The following MAP4 variants were observed in gnomAD, a reference collection of about 807,000 sequenced individuals.
MAP4 encodes the protein microtubule associated protein 4.
A neutral mutation model predicts 170.2 loss-of-function variants in MAP4; 76 were observed. The observed-to-expected ratio is 0.45, with a 90% CI of 0.37 to 0.54. The LOEUF is 0.54. MAP4 is among the 20% of genes least tolerant of loss of function. MAP4 has a pLI of 0.00. For missense variants in MAP4, 2,506 were observed against 2,748.0 expected, an observed-to-expected ratio of 0.91 and a Z score of 1.97; for synonymous variants, 909 against 994.5, an observed-to-expected ratio of 0.91 and a Z score of 1.62.
intron 3 of MAP4, among the ~76,000 whole-genome samples, chr3:47,947,813 A>AG (rs1052885930): frequency 1.4e-4 from 21 of 151,662 alleles, no homozygotes; most frequent in Non-Finnish European, 3.1e-4. Context: ...TCAAAAAAAA[A>AG]AAAAAAGAAA....
At chr3:47,926,687 G>C (rs2100046204) in intron 4 of MAP4, among the ~76,000 whole-genome samples, 1 of 152,066 alleles carries the variant, frequency 6.6e-6, no homozygotes, top group Non-Finnish European at 1.5e-5. Context: ...GGCATGTGCT[G>C]CCACAACCAG....
intron 3 of MAP4, among the ~76,000 whole-genome samples, chr3:47,931,380 A>C (rs1482134085): frequency 2.0e-5 from 3 of 152,218 alleles, no homozygotes; most frequent in African/African-American, 7.2e-5. Flanking sequence ...TTTTTAAAAA[A>C]GGCTGTACAA....
At chr3:47,929,493 T>C (rs1271060010) in intron 3 of MAP4, among the ~76,000 whole-genome samples, 1 of 151,660 alleles carries the variant, frequency 6.6e-6, no homozygotes, top group Admixed American at 6.6e-5. Flanking sequence ...TCAACATAAT[T>C]ATATTCAACC....
At chr3:48,040,952 G>T (rs1010352599) in intron 1 of MAP4, among the ~76,000 whole-genome samples, 1 of 151,986 alleles carries the variant, frequency 6.6e-6, no homozygotes. Context: ...TGCAAGCCTT[G>T]GCCTCCCAAA....
At chr3:47,856,923 G>A (rs1315229655) in intron 18 of MAP4, among the ~76,000 whole-genome samples, 1 of 152,238 alleles carries the variant, frequency 6.6e-6, no homozygotes, top group Non-Finnish European at 1.5e-5. Flanking sequence ...GACTTCCACA[G>A]GGGCGCTGGG....
chr3:47,975,214 T>C (rs1324716969), intron 3 of MAP4: 1 of 1,258,920 alleles, frequency 7.9e-7, no homozygotes, highest in East Asian at 2.9e-5. Flanking sequence ...AGAATTCATT[T>C]TGCACTTTGT....
In MAP4 at chr3:47,857,467, T is replaced by G. The variant is rs371842514; in HGVS notation, c.6547A>C (p.Lys2183Gln). 1.2e-6 allele frequency: 2 copies of G among 1,613,998 alleles called. No homozygotes were observed. Among genetic ancestry groups the G allele is most frequent in the African/African-American group, 1.3e-5 (1 of 74,912 alleles). The part of the protein sequence containing the change: ...KKVDISKVSS[K>Q]CGSKANIKHK... ...TTGATGTTAGCCTTAGACCCACACTTGGAGGAGACCTTAGAGATGTCCACT... is the reference window on the plus strand; with the variant it reads ...TTGATGTTAGCCTTAGACCCACACTGGGAGGAGACCTTAGAGATGTCCACT... Residue 2183 changes from lysine to glutamine, a missense_variant, in exon 18 of 21, where the codon AAG becomes CAG. Lys to Gln is a moderately conservative substitution (Grantham distance 53). Transcript: ENST00000683076.
chr3:48,032,029 A>G (rs1236805746), intron 1 of MAP4, among the ~76,000 whole-genome samples: 1 of 152,182 alleles, frequency 6.6e-6, no homozygotes, highest in African/African-American at 2.4e-5. Flanking sequence ...TAATCATGAG[A>G]AAAAGATCAG....
intron 4 of MAP4, among the ~76,000 whole-genome samples, chr3:47,922,122 A>AT (rs1254719512): frequency 6.6e-6 from 1 of 151,320 alleles, no homozygotes; most frequent in Non-Finnish European, 1.5e-5. Flanking sequence ...TAATTTTTGT[A>AT]TTTTTTTGTA....
chr3:47,882,254 G>C (rs1389524281), intron 10 of MAP4, among the ~76,000 whole-genome samples: 1 of 152,122 alleles, frequency 6.6e-6, no homozygotes, highest in Non-Finnish European at 1.5e-5. Flanking sequence ...ACTCCAGCCT[G>C]GGTGACAAGA....
chr3:47,896,004 G>A (rs2100026615), intron 10 of MAP4, among the ~76,000 whole-genome samples: 1 of 152,100 alleles, frequency 6.6e-6, no homozygotes, highest in Admixed American at 6.6e-5. Flanking sequence ...GAAGCAATCT[G>A]GGGTGGGGGG....
chr3:47,895,315 T>C (rs1407827061), intron 10 of MAP4, among the ~76,000 whole-genome samples: 3 of 152,226 alleles, frequency 2.0e-5, no homozygotes, highest in Non-Finnish European at 2.9e-5. Context: ...TCTTCCTCTA[T>C]AAAAGGAGGG....
chr3:48,015,600 C>T lies in MAP4; in HGVS notation c.-20+734G>A, dbSNP rs146087583. ...AGTATGCCTAGCAGGTTTTTAGTTA[C>T]TAATTAACTTTATTACCCAGATTTG... On this transcript the variant is annotated intron_variant, in intron 1 of 20. Coordinates refer to ENST00000683076, the MANE Select transcript of MAP4 (RefSeq NM_001385682.1). 2.8e-3 allele frequency among the ~76,000 whole-genome samples: 427 copies of T among 152,158 alleles called. 2 individuals carry two copies. Among genetic ancestry groups the T allele is most frequent in the Non-Finnish European group, 4.0e-3 (271 of 68,008 alleles).
intron 18 of MAP4, among the ~76,000 whole-genome samples, chr3:47,856,054 C>A (rs572700338): frequency 2.6e-5 from 4 of 152,304 alleles, no homozygotes; most frequent in Non-Finnish European, 5.9e-5. Context: ...TCTGAACTCA[C>A]GCCCAGGGTT....
intron 2 of MAP4, among the ~76,000 whole-genome samples, chr3:47,994,834 C>T (rs2100094422): frequency 1.3e-5 from 2 of 151,892 alleles, no homozygotes; most frequent in Non-Finnish European, 2.9e-5. Context: ...CCTGTAATCC[C>T]AGCTACTGGG....
At chr3:47,861,255 G>A (rs527659920) in intron 17 of MAP4, among the ~76,000 whole-genome samples, 1 of 152,216 alleles carries the variant, frequency 6.6e-6, no homozygotes, top group South Asian at 2.1e-4. Context: ...AGTTACTCGG[G>A]AGGCTGAGAC....
intron 11 of MAP4, among the ~76,000 whole-genome samples, chr3:47,876,132 CTTTCTTTTTTTTTT>C (rs1338740994): frequency 4.3e-5 from 6 of 140,604 alleles, no homozygotes; most frequent in Admixed American, 2.9e-4. Flanking sequence ...TTTTCTTTTT[CTTTCTTTTTTTTTT>C]TTTTTGAGAT....
chr3:48,088,034 A>T (rs2100150249), intron 1 of MAP4, among the ~76,000 whole-genome samples: 1 of 152,134 alleles, frequency 6.6e-6, no homozygotes, highest in African/African-American at 2.4e-5. Flanking sequence ...GAAGTGAGCA[A>T]AACCCTCACA....
intron 10 of MAP4, among the ~76,000 whole-genome samples, chr3:47,902,394 A>G (rs2100030529): frequency 6.6e-6 from 1 of 151,964 alleles, no homozygotes; most frequent in Non-Finnish European, 1.5e-5. Context: ...AAGCCAGTGG[A>G]GTCAGGCGCA....
Sources: allele counts gnomAD v4.1 joint callset (sites outside exome capture counted in the v4.1 genomes callset), GRCh38; gene constraint gnomAD v4.1.1; transcripts MANE v1.5; gene names NCBI Gene and HGNC (gene_info 2026-07-23, HGNC 2026-07-21).